LRRTM4: variants seen among roughly 807,000 people sequenced by gnomAD.
The protein encoded by LRRTM4 is leucine-rich repeat transmembrane neuronal protein 4.
A neutral mutation model predicts 47.6 loss-of-function variants in LRRTM4; 25 were observed. That is an observed-to-expected ratio of 0.53 (90% CI 0.38 to 0.73). LRRTM4 has a LOEUF of 0.73. Among genes scored for constraint, LRRTM4 ranks in the 30% least tolerant of loss-of-function variants. LRRTM4 has a pLI of 0.00. For synonymous variants in LRRTM4, 311 were observed against 269.5 expected, an observed-to-expected ratio of 1.15 and a Z score of -1.51; for missense variants, 638 against 713.4, an observed-to-expected ratio of 0.89 and a Z score of 1.20.
intron 3 of LRRTM4, among the ~76,000 whole-genome samples, chr2:77,071,841 C>T (rs1680164203): frequency 6.6e-6 from 1 of 152,104 alleles, no homozygotes; most frequent in Admixed American, 6.5e-5. Flanking sequence ...ATCCAAAACC[C>T]AGCATTTGTG....
chr2:76,921,860 T>C (rs1018806065), intron 3 of LRRTM4, among the ~76,000 whole-genome samples: 1 of 152,112 alleles, frequency 6.6e-6, no homozygotes, highest in Non-Finnish European at 1.5e-5. Context: ...TGAGTCCTTT[T>C]ATTTAGAATG....
intron 3 of LRRTM4, among the ~76,000 whole-genome samples, chr2:76,780,470 T>A (rs554132176): frequency 6.6e-6 from 1 of 152,250 alleles, no homozygotes; most frequent in Non-Finnish European, 1.5e-5. Context: ...CTTTTTATTC[T>A]TTTTCCTCTA....
chr2:77,071,559 T>A, intron 3 of LRRTM4, among the ~76,000 whole-genome samples: 1 of 152,158 alleles, frequency 6.6e-6, no homozygotes, highest in East Asian at 1.9e-4. Flanking sequence ...TAGCAATAAA[T>A]TATAATTATG....
chr2:77,425,040 A>T (rs1675051674), intron 3 of LRRTM4, among the ~76,000 whole-genome samples: 1 of 152,196 alleles, frequency 6.6e-6, no homozygotes, highest in African/African-American at 2.4e-5. Context: ...CTATTAAAAA[A>T]CTATTCCAAT....
chr2:77,162,236 C>A (rs915537472), intron 3 of LRRTM4, among the ~76,000 whole-genome samples: 3 of 152,178 alleles, frequency 2.0e-5, no homozygotes, highest in African/African-American at 2.4e-5. Flanking sequence ...GTACAGCAGT[C>A]TGAGATTAAA....
intron 3 of LRRTM4, among the ~76,000 whole-genome samples, chr2:77,163,299 C>T (rs1672783874): frequency 6.6e-6 from 1 of 152,088 alleles, no homozygotes; most frequent in African/African-American, 2.4e-5. Context: ...GAAAAATGAA[C>T]AAACCCTCCA....
At chr2:76,804,883 A>C (rs930429652) in intron 3 of LRRTM4, among the ~76,000 whole-genome samples, 3 of 151,764 alleles carry the variant, frequency 2.0e-5, no homozygotes, top group African/African-American at 7.3e-5. Context: ...GCCTGCCACA[A>C]GATAATTTAG....
intron 3 of LRRTM4, among the ~76,000 whole-genome samples, chr2:77,070,148 A>G (rs1049226765): frequency 6.6e-6 from 1 of 152,140 alleles, no homozygotes; most frequent in Non-Finnish European, 1.5e-5. Context: ...TGGCAAAAAT[A>G]TATCCGAGTT....
At chr2:77,422,127 T>C (rs1006246686) in intron 3 of LRRTM4, among the ~76,000 whole-genome samples, 3 of 152,228 alleles carry the variant, frequency 2.0e-5, no homozygotes, top group Non-Finnish European at 2.9e-5. Context: ...ATTCAAACAA[T>C]GACAAAATCA....
At chr2:77,363,678 A>C (rs2103751270) in intron 3 of LRRTM4, among the ~76,000 whole-genome samples, 1 of 152,310 alleles carries the variant, frequency 6.6e-6, no homozygotes, top group Middle Eastern at 3.4e-3. Context: ...TGCGCTTCAA[A>C]ATGCTTTCTC....
chr2:77,007,691 G>A (rs1380302431), intron 3 of LRRTM4, among the ~76,000 whole-genome samples: 1 of 152,172 alleles, frequency 6.6e-6, no homozygotes, highest in East Asian at 1.9e-4. Flanking sequence ...TAAAGGGAAA[G>A]AATAAAGGAA....
At chr2:77,409,684 GA>G (rs952866853) in intron 3 of LRRTM4, among the ~76,000 whole-genome samples, 2 of 152,042 alleles carry the variant, frequency 1.3e-5, no homozygotes, top group Non-Finnish European at 2.9e-5. Flanking sequence ...TACTCTTCTA[GA>G]AAATATACCA....
chr2:76,848,399 T>A (rs1020505473), intron 3 of LRRTM4, among the ~76,000 whole-genome samples: 2 of 152,082 alleles, frequency 1.3e-5, no homozygotes, highest in African/African-American at 4.8e-5. Context: ...AATTAAAGAC[T>A]CCAAAATTAT....
intron 3 of LRRTM4, among the ~76,000 whole-genome samples, chr2:76,891,696 C>T (rs999155037): frequency 2.0e-5 from 3 of 151,648 alleles, no homozygotes. Flanking sequence ...TGGATTCATA[C>T]CTCACATTAG....
At chr2:77,148,477 C>T (rs1672332792) in intron 3 of LRRTM4, among the ~76,000 whole-genome samples, 1 of 152,112 alleles carries the variant, frequency 6.6e-6, no homozygotes, top group Non-Finnish European at 1.5e-5. Context: ...TTGCCCCAAA[C>T]ACAAACCCTA....
chr2:77,480,477 C>T (rs1335938581), intron 3 of LRRTM4, among the ~76,000 whole-genome samples: 1 of 152,158 alleles, frequency 6.6e-6, no homozygotes, highest in Non-Finnish European at 1.5e-5. Context: ...TCATCAACTG[C>T]ATCAGCCAGG....
intron 3 of LRRTM4, among the ~76,000 whole-genome samples, chr2:77,154,086 T>C (rs1346305109): frequency 6.6e-6 from 1 of 152,164 alleles, no homozygotes; most frequent in Non-Finnish European, 1.5e-5. Flanking sequence ...ATGAAGAGAA[T>C]TTGTGGGACA....
At chr2:77,300,576 CACACCTAGCACATAGG>C (rs1558676810) in intron 3 of LRRTM4, among the ~76,000 whole-genome samples, 1 of 152,070 alleles carries the variant, frequency 6.6e-6, no homozygotes, top group Admixed American at 6.6e-5. Flanking sequence ...TTACATTTAA[CACACCTAGCACATAGG>C]ACACCCTCAA....
chr2:77,336,382 G>A (rs537826079), intron 3 of LRRTM4, among the ~76,000 whole-genome samples: 1 of 152,210 alleles, frequency 6.6e-6, no homozygotes, highest in South Asian at 2.1e-4. Context: ...ACTTTTACCA[G>A]TTAGCTCATA....
Sources: allele counts gnomAD v4.1 joint callset (sites outside exome capture counted in the v4.1 genomes callset), GRCh38; gene constraint gnomAD v4.1.1; transcripts MANE v1.5; gene names NCBI Gene and HGNC (gene_info 2026-07-23, HGNC 2026-07-21).